RORA: variants seen among roughly 807,000 people sequenced by gnomAD.
RORA encodes the protein RAR related orphan receptor A.
RORA carries 7 observed loss-of-function variants against 69.5 expected under a neutral mutation model. The ratio of observed to expected loss-of-function variants is 0.10; its 90% CI spans 0.06 to 0.19. The LOEUF (loss-of-function observed/expected upper bound fraction) is 0.19. RORA is among the 10% of genes least tolerant of loss of function. RORA has a pLI of 1.00. For missense variants in RORA, 457 were observed against 663.0 expected (o/e 0.69, Z 3.41); for synonymous variants, 261 against 240.8 (o/e 1.08, Z -0.78).
At chr15:60,830,420 T>C (rs926038095) in intron 1 of RORA, among the ~76,000 whole-genome samples, 5 of 152,250 alleles carry the variant, frequency 3.3e-5, no homozygotes, top group African/African-American at 7.2e-5. Flanking sequence ...CTTAACATTA[T>C]ATCGTGAGCA....
Position 60,692,532 on chromosome 15 carries a change from A to G in RORA, c.167-13846T>C, listed in dbSNP as rs2070842694. Among the ~76,000 whole-genome samples the G allele has an allele frequency of 2.6e-5, 4 of 152,344 alleles. No homozygotes were observed. The South Asian group carries it at 8.3e-4, about 32-fold the overall frequency. On this transcript the variant is annotated intron_variant, in intron 1 of 10. Coordinates refer to ENST00000335670, the MANE Select transcript of RORA (RefSeq NM_134261.3). Reference sequence around the variant, plus strand: ...GAGAATGTGAGAGCACTGGGCATTTACTTTTGAGCAGGATGCATGCTAAAA... The same window carrying G: ...GAGAATGTGAGAGCACTGGGCATTTGCTTTTGAGCAGGATGCATGCTAAAA...
At chr15:61,171,137 G>A (rs1264340566) in intron 1 of RORA, among the ~76,000 whole-genome samples, 1 of 152,104 alleles carries the variant, frequency 6.6e-6, no homozygotes, top group African/African-American at 2.4e-5. Flanking sequence ...TACTCACTCT[G>A]ATCATCAAAA....
chr15:61,090,744 A>G (rs2078693308), intron 1 of RORA, among the ~76,000 whole-genome samples: 1 of 152,006 alleles, frequency 6.6e-6, no homozygotes, highest in South Asian at 2.1e-4. Context: ...AGAATCCCAA[A>G]TCTCTCCCGG....
intron 2 of RORA, among the ~76,000 whole-genome samples, chr15:60,647,675 C>A (rs1567140554): frequency 6.6e-6 from 1 of 152,222 alleles, no homozygotes; most frequent in South Asian, 2.1e-4. Context: ...GACTAAAGAA[C>A]CAGAACTGTT....
intron 1 of RORA, among the ~76,000 whole-genome samples, chr15:61,183,841 A>G (rs2079713036): frequency 6.6e-6 from 1 of 152,186 alleles, no homozygotes; most frequent in South Asian, 2.1e-4. Context: ...AATGGGTTAC[A>G]ATCAATAGTC....
At chr15:61,045,152 G>A (rs932408369) in intron 1 of RORA, among the ~76,000 whole-genome samples, 2 of 152,168 alleles carry the variant, frequency 1.3e-5, no homozygotes, top group Admixed American at 1.3e-4. Flanking sequence ...TCCAGGGAGG[G>A]ACCAGGTGGG....
At chr15:60,601,148 T>C (rs2068799805) in intron 2 of RORA, 1 of 152,210 alleles carries the variant, frequency 6.6e-6, no homozygotes, top group African/African-American at 2.4e-5. Flanking sequence ...CATTACTTAG[T>C]ATTTCAAAAA....
intron 1 of RORA, among the ~76,000 whole-genome samples, chr15:60,701,459 TG>T (rs2070980223): frequency 6.6e-6 from 1 of 152,188 alleles, no homozygotes; most frequent in Admixed American, 6.5e-5. Context: ...AACTTCTAAC[TG>T]GGGATTCAGT....
chr15:60,640,946 C>T (rs970386012), intron 2 of RORA, among the ~76,000 whole-genome samples: 3 of 152,056 alleles, frequency 2.0e-5, no homozygotes, highest in African/African-American at 4.8e-5. Flanking sequence ...GGGGACTATG[C>T]TTTTCTCTTC....
chr15:60,677,868 A>C (rs2070577173), intron 2 of RORA, among the ~76,000 whole-genome samples: 1 of 152,240 alleles, frequency 6.6e-6, no homozygotes, highest in African/African-American at 2.4e-5. Flanking sequence ...GGTCTAAAAT[A>C]GTCATCAAAT....
chr15:60,877,106 A>G (rs964750614), intron 1 of RORA, among the ~76,000 whole-genome samples: 1 of 152,246 alleles, frequency 6.6e-6, no homozygotes, highest in Non-Finnish European at 1.5e-5. Context: ...AAAAGTTAAA[A>G]AAATACTTTG....
chr15:61,066,390 C>T (rs1245748353), intron 1 of RORA, among the ~76,000 whole-genome samples: 2 of 148,582 alleles, frequency 1.3e-5, no homozygotes, highest in African/African-American at 2.5e-5. Flanking sequence ...CTACAACTTG[C>T]ACAATTGTGG....
chr15:60,945,037 G>C (rs1892827813), intron 1 of RORA, among the ~76,000 whole-genome samples: 1 of 152,210 alleles, frequency 6.6e-6, no homozygotes, highest in Non-Finnish European at 1.5e-5. Context: ...TTTGGTTTTA[G>C]AGCAGAGAAA....
chr15:60,561,206 C>T (rs924478237), intron 2 of RORA, among the ~76,000 whole-genome samples: 8 of 151,396 alleles, frequency 5.3e-5, no homozygotes, highest in Admixed American at 4.6e-4. Flanking sequence ...CTCAGCCTCC[C>T]GAGTAGCTGG....
At chr15:61,151,252 T>C (rs2079395570) in intron 1 of RORA, among the ~76,000 whole-genome samples, 1 of 152,198 alleles carries the variant, frequency 6.6e-6, no homozygotes, top group Non-Finnish European at 1.5e-5. Context: ...TTGGGTAAGA[T>C]ACACAGTAGT....
At chr15:60,553,796 C>G (rs1168078645) in intron 2 of RORA, among the ~76,000 whole-genome samples, 1 of 152,190 alleles carries the variant, frequency 6.6e-6, no homozygotes, top group Admixed American at 6.5e-5. Context: ...TAACCCTTGT[C>G]TTCCATTAGT....
chr15:61,156,954 A>G lies in RORA; in HGVS notation c.166+72099T>C, dbSNP rs779235628. Among the ~76,000 whole-genome samples the G allele has an allele frequency of 7.9e-5, 12 of 152,318 alleles. 1 individual carries two copies. Among genetic ancestry groups the G allele is most frequent in the Middle Eastern group, 3.4e-3 (1 of 294 alleles). Reference sequence around the variant, plus strand: ...TCTTGAAGAACCTGGGTACTGCCAGAGCCTCCAGTTCCTTCTAAATCAGCC... The same window carrying G: ...TCTTGAAGAACCTGGGTACTGCCAGGGCCTCCAGTTCCTTCTAAATCAGCC... On this transcript the variant is annotated intron_variant, in intron 1 of 10. Transcript: ENST00000335670.
At chr15:61,185,548 G>T (rs2079733146) in intron 1 of RORA, among the ~76,000 whole-genome samples, 1 of 152,132 alleles carries the variant, frequency 6.6e-6, no homozygotes. Context: ...CAGCCACACT[G>T]CTATCTCACT....
intron 2 of RORA, among the ~76,000 whole-genome samples, chr15:60,630,065 C>T (rs2069699188): frequency 6.6e-6 from 1 of 152,160 alleles, no homozygotes; most frequent in Non-Finnish European, 1.5e-5. Context: ...AAATGGACAG[C>T]CATCACATGA....
Sources: allele counts gnomAD v4.1 joint callset (sites outside exome capture counted in the v4.1 genomes callset), GRCh38; gene constraint gnomAD v4.1.1; transcripts MANE v1.5; gene names NCBI Gene and HGNC (gene_info 2026-07-23, HGNC 2026-07-21).